PTGIS: variants seen among roughly 807,000 people sequenced by gnomAD.
The protein encoded by PTGIS is prostacyclin synthase.
PTGIS carries 45 observed loss-of-function variants against 50.3 expected under a neutral mutation model. The observed-to-expected ratio is 0.90, with a 90% CI of 0.70 to 1.15. The LOEUF (loss-of-function observed/expected upper bound fraction) is 1.15. Among genes scored for constraint, PTGIS ranks in the 50% most tolerant of loss-of-function variants. PTGIS has a pLI of 0.00. For synonymous variants in PTGIS, 260 were observed against 267.7 expected (o/e 0.97, Z 0.28); for missense variants, 668 against 661.3 (o/e 1.01, Z -0.11).
At chr20:49,560,688 G>C (rs1982748814) in intron 1 of PTGIS, among the ~76,000 whole-genome samples, 3 of 152,208 alleles carry the variant, frequency 2.0e-5, no homozygotes, top group African/African-American at 7.2e-5. Context: ...AGGGAGAAGA[G>C]TGTTACAGGC....
chr20:49,547,871 C>T lies in PTGIS; in HGVS notation c.347G>A (p.Ser116Asn). Residue 116 changes from serine to asparagine, a missense_variant, in exon 3 of 10, where the codon AGC (serine) becomes AAC (asparagine). Ser to Asn is a conservative substitution (Grantham distance 46). Transcript: ENST00000244043. The stretch of plus-strand genomic sequence containing the variant: ...CATCCTGGCCTTTTCATCACTGGGG[C>T]TGTAATGTGGAAGCTGCACATCAAA... ...RIFDVQLPHYSPSDEKARMKL... is the reference protein window; with the variant it reads ...RIFDVQLPHYNPSDEKARMKL... 1 of 1,614,144 alleles carries T rather than the reference C, an allele frequency of 6.2e-7. No individual in the cohort carries two copies. Among genetic ancestry groups the T allele is most frequent in the South Asian group, 1.1e-5 (1 of 91,074 alleles).
rs773006734 is a variant in PTGIS, at chr20:49,568,117, C to CGCGGGGCTGGCGGGGCTG, written c.-19_-2dup. The CGCGGGGCTGGCGGGGCTG allele has an allele frequency of 0.21, 163,899 of 783,722 alleles. 32,106 individuals carry two copies. The highest frequency in any genetic ancestry group is 0.33 in the Admixed American group (7,486 of 22,504). The allele number at this position is 783,722 out of a possible 1,614,324, so 48.5% of individuals were successfully genotyped here. A position where few individuals can be genotyped will look rare whatever the true frequency, so the allele number is the denominator to read the frequency against. Reference sequence around the variant, plus strand: ...GGCCGAGGAGCGCGGCCCAAGCCATCGCGGGGCTGGCGGGGCTGGCGGGGC... The same window carrying CGCGGGGCTGGCGGGGCTG: ...GGCCGAGGAGCGCGGCCCAAGCCATCGCGGGGCTGGCGGGGCTGGCGGGGCTGGCGGGGCTGGCGGGGC... On this transcript the variant is annotated 5_prime_UTR_variant, in exon 1 of 10. Coordinates refer to ENST00000244043, the MANE Select transcript of PTGIS (RefSeq NM_000961.4).
Position 49,538,830 on chromosome 20 carries a change from C to T in PTGIS, c.673+740G>A, listed in dbSNP as rs141339211. ...CCGAGTAGCCAGGAATGCAGGCACC[C>T]GCCACCATGCCTGGCTAATTTTTGT... On this transcript the variant is annotated intron_variant, in intron 5 of 9. Transcript: ENST00000244043. Among the ~76,000 whole-genome samples the T allele has an allele frequency of 2.8e-4, 42 of 152,016 alleles. No homozygotes were observed. The East Asian group carries it at 3.1e-3, about 11-fold the overall frequency.
At chr20:49,550,284 G>T (rs1202927579) in intron 1 of PTGIS, 95 bp from the exon 2 acceptor site, 4 of 1,523,818 alleles carry the variant, frequency 2.6e-6, no homozygotes, top group Non-Finnish European at 2.7e-6. Context: ...GAGCAGTCGG[G>T]GAGGTAATCT....
At chr20:49,528,861 T>G (rs915624452) in intron 5 of PTGIS, among the ~76,000 whole-genome samples, 1 of 152,190 alleles carries the variant, frequency 6.6e-6, no homozygotes, top group Non-Finnish European at 1.5e-5. Context: ...GTGAAGGAAC[T>G]CTAGAAGGAT....
rs58986753 is a variant in PTGIS at position 49,538,256 on chromosome 20, GAAAAAAAAAA to G, written c.673+1304_673+1313del. ...GGTGACAGAGTGAGACCCTGGTTCAGAAAAAAAAAAAAAAAAAAAAAAAAAAAAAAGGCAT... is the reference window on the plus strand; with the variant it reads ...GGTGACAGAGTGAGACCCTGGTTCAGAAAAAAAAAAAAAAAAAAAAGGCAT... On this transcript the variant is annotated intron_variant, in intron 5 of 9. Transcript: ENST00000244043. Among the ~76,000 whole-genome samples the G allele has an allele frequency of 2.5e-3, 75 of 30,292 alleles. No homozygotes were observed. The East Asian group carries it at 0.041, about 17-fold the overall frequency. 19.9% of individuals were successfully genotyped at this position (30,292 alleles called of 152,430 possible).
intron 1 of PTGIS, among the ~76,000 whole-genome samples, chr20:49,560,627 G>A (rs1211297269): frequency 3.3e-5 from 5 of 152,250 alleles, no homozygotes; most frequent in African/African-American, 7.2e-5. Context: ...CTCAGGAGAT[G>A]CCACGTGAGC....
In PTGIS at chr20:49,508,050, A is replaced by G; in HGVS notation, c.1373T>C (p.Val458Ala). Residue 458 changes from valine (V) to alanine (A), a missense_variant, in exon 10 of 10, where the codon GTG (valine) becomes GCG (alanine). Val to Ala is a moderately conservative substitution (Grantham distance 64). Coordinates refer to ENST00000244043, the MANE Select transcript of PTGIS (RefSeq NM_000961.4). Reference sequence around the variant, plus strand: ...CAGCTCCAAGTCCAAGTGCACCAGCACAAGGAACACAAATCTGCAGAGAGA... The same window carrying G: ...CAGCTCCAAGTCCAAGTGCACCAGCGCAAGGAACACAAATCTGCAGAGAGA... ...VNSIKQFVFLVLVHLDLELIN... is the reference protein window; with the variant it reads ...VNSIKQFVFLALVHLDLELIN... 6.2e-7 allele frequency: 1 copy of G among 1,613,908 alleles called. No individual in the cohort carries two copies. The highest frequency in any genetic ancestry group is 8.5e-7 in the Non-Finnish European group (1 of 1,180,038).
At chr20:49,560,702 G>A (rs1982749517) in intron 1 of PTGIS, among the ~76,000 whole-genome samples, 2 of 152,184 alleles carry the variant, frequency 1.3e-5, no homozygotes, top group African/African-American at 4.8e-5. Flanking sequence ...TACAGGCAGA[G>A]GCAACAGCAA....
chr20:49,549,656 G>A (rs1212875045), intron 2 of PTGIS, among the ~76,000 whole-genome samples: 2 of 152,162 alleles, frequency 1.3e-5, no homozygotes, highest in South Asian at 2.1e-4. Context: ...GTGGATAGAC[G>A]GAGGTTGACG....
chr20:49,547,677 A>C (rs1982395740), intron 3 of PTGIS, among the ~76,000 whole-genome samples, 164 bp downstream of exon 3: 1 of 152,160 alleles, frequency 6.6e-6, no homozygotes, highest in African/African-American at 2.4e-5. Context: ...TTCTTCTTCC[A>C]CCCAATTCTT....
chr20:49,554,638 T>C (rs1399629866), intron 1 of PTGIS, among the ~76,000 whole-genome samples: 1 of 152,158 alleles, frequency 6.6e-6, no homozygotes, highest in Non-Finnish European at 1.5e-5. Flanking sequence ...GGGACTATCA[T>C]GGAAGAGGTG....
intron 1 of PTGIS, among the ~76,000 whole-genome samples, chr20:49,558,248 G>A (rs1390156458): frequency 6.6e-6 from 1 of 152,136 alleles, no homozygotes; most frequent in Non-Finnish European, 1.5e-5. Context: ...AATTAGCCAG[G>A]TGTGGTGGTG....
rs749527327 is a variant in PTGIS, at chr20:49,547,837, TCA to T, written c.377+2_377+3del. ...TCCCACAGGTGCCATCTCCAGCCAC[TCA>T]CAGTTTCATCCTGGCCTTTTCATCA... On this transcript the variant is annotated splice_donor_variant and splice_donor_region_variant and intron_variant, in intron 3 of 9. Coordinates refer to ENST00000244043, the MANE Select transcript of PTGIS (RefSeq NM_000961.4). LOFTEE classifies it high-confidence loss of function. 10 of 1,613,902 alleles carry T rather than the reference TCA, an allele frequency of 6.2e-6. No individual in the cohort carries two copies. The highest frequency in any genetic ancestry group is 1.3e-5 in the African/African-American group (1 of 75,014).
At chr20:49,508,343 C>T (rs1270049239) in intron 9 of PTGIS, among the ~76,000 whole-genome samples, 1 of 152,228 alleles carries the variant, frequency 6.6e-6, no homozygotes, top group Non-Finnish European at 1.5e-5. Context: ...CAGTGTGTGG[C>T]TCTCCAGCTG....
chr20:49,561,651 C>T (rs1349381212), intron 1 of PTGIS, among the ~76,000 whole-genome samples: 1 of 152,240 alleles, frequency 6.6e-6, no homozygotes, highest in African/African-American at 2.4e-5. Context: ...TAGCACCATA[C>T]TTCCTGGCTT....
chr20:49,530,925 A>T (rs1230768899), intron 5 of PTGIS, among the ~76,000 whole-genome samples: 1 of 151,710 alleles, frequency 6.6e-6, no homozygotes, highest in Non-Finnish European at 1.5e-5. Context: ...ACGCCCAGCT[A>T]ATTTTTGTAT....
Position 49,507,974 on chromosome 20 carries a change from G to T in PTGIS, c.1449C>A (p.Phe483Leu), listed in dbSNP as rs748953360. ...CGTCGTGTTCCGGCTGCATCAGACC[G>T]AAGCCGTACCTGCTGAGGTCAAACT... ...IPEFDLSRYG[F>L]GLMQPEHDVP... The change falls in exon 10 of 10, where the codon TTC becomes TTA. Residue 483 changes from phenylalanine to leucine, a missense_variant. Phe to Leu is a conservative substitution (Grantham distance 22, BLOSUM62 0). Transcript: ENST00000244043. 6.2e-7 allele frequency: 1 copy of T among 1,613,812 alleles called. No individual in the cohort carries two copies. Among genetic ancestry groups the T allele is most frequent in the East Asian group, 2.2e-5 (1 of 44,880 alleles).
At chr20:49,543,179 G>A (rs1982274184) in intron 4 of PTGIS, among the ~76,000 whole-genome samples, 1 of 151,814 alleles carries the variant, frequency 6.6e-6, no homozygotes, top group Non-Finnish European at 1.5e-5. Context: ...TCACGCCCAC[G>A]CTCCCCCATC....
Sources: allele counts gnomAD v4.1 joint callset (sites outside exome capture counted in the v4.1 genomes callset), GRCh38; gene constraint gnomAD v4.1.1; transcripts MANE v1.5; gene names NCBI Gene and HGNC (gene_info 2026-07-23, HGNC 2026-07-21).